Variants in SNAPC3 observed in about 807,000 individuals in gnomAD.
The protein encoded by SNAPC3 is small nuclear RNA activating complex polypeptide 3, also known as snRNA-activating protein complex subunit 3.
In SNAPC3, 56 loss-of-function variants were observed where a neutral mutation model predicts 47.7. The ratio of observed to expected loss-of-function variants is 1.18; its 90% CI spans 0.95 to 1.47. SNAPC3 has a LOEUF of 1.47. Ranked by LOEUF, SNAPC3 falls within the 40% of genes most tolerant of loss-of-function variation. The probability of loss-of-function intolerance (pLI) is 0.00; values close to 1 mark genes in which losing one functional copy is unlikely to be tolerated. For missense variants in SNAPC3, 665 were observed against 511.3 expected, an observed-to-expected ratio of 1.30 and a Z score of -2.90; for synonymous variants, 235 against 189.9, an observed-to-expected ratio of 1.24 and a Z score of -1.95.
At chr9:15,449,547 ATATATATATATATATATTT>A (rs1444397735) in intron 5 of SNAPC3, among the ~76,000 whole-genome samples, 8 of 35,970 alleles carry the variant, frequency 2.2e-4, no homozygotes, top group African/African-American at 8.3e-4. Flanking sequence ...ATATATATAT[ATATATATATATATATATTT>A]TTTTTTTTTT....
rs549554126 is a variant in SNAPC3, at chr9:15,445,769, C to A, written c.582+1063C>A. On this transcript the variant is annotated intron_variant, in intron 4 of 8. Coordinates refer to ENST00000380821, the MANE Select transcript of SNAPC3 (RefSeq NM_001039697.2). ...TTCAAGATCAGCCTAGACAAAGTGGCAAAACCTCATCTCTACAAAAAATAC... is the reference window on the plus strand; with the variant it reads ...TTCAAGATCAGCCTAGACAAAGTGGAAAAACCTCATCTCTACAAAAAATAC... 9.5e-4 allele frequency among the ~76,000 whole-genome samples: 145 copies of A among 152,154 alleles called. 3 individuals carry two copies. In the South Asian group the frequency reaches 0.029, roughly 30 times the overall value.
rs371093903 is a variant in SNAPC3, at chr9:15,437,642, C to T, written c.477+4006C>T. 4.2e-3 allele frequency among the ~76,000 whole-genome samples: 629 copies of T among 149,034 alleles called. 3 individuals are homozygous for T. Among genetic ancestry groups the T allele is most frequent in the African/African-American group, 0.015 (598 of 40,408 alleles). On this transcript the variant is annotated intron_variant, in intron 3 of 8. Transcript: ENST00000380821. ...CTGTTGTTTTTTTTTTTTTTTTGCC[C>T]CATCATTCCATTAGTGTGGTGTATT... is the stretch of plus-strand genomic sequence containing the variant.
chr9:15,454,889 G>A (rs912982765), intron 7 of SNAPC3, among the ~76,000 whole-genome samples: 29 of 152,224 alleles, frequency 1.9e-4, no homozygotes, highest in African/African-American at 6.0e-4. Context: ...AGCTGAGATC[G>A]TGCCACTGCA....
rs574540987 is a variant in SNAPC3, at chr9:15,423,944, A to T, written c.350A>T (p.Asp117Val). 3 of 1,590,164 alleles carry T rather than the reference A, an allele frequency of 1.9e-6. No individual in the cohort carries two copies. The highest frequency in any genetic ancestry group is 2.3e-5 in the South Asian group (2 of 86,590). The change falls in exon 2 of 9, where the codon GAT (aspartate) becomes GTT (valine). Residue 117 changes from aspartate to valine, a missense_variant. Asp to Val is a radical substitution (Grantham distance 152). Coordinates refer to ENST00000380821, the MANE Select transcript of SNAPC3 (RefSeq NM_001039697.2). Reference protein sequence around the residue: ...DKLKCLEDGEDPEVIPENTDL... With the variant: ...DKLKCLEDGEVPEVIPENTDL... ...CTGAAATGCCTTGAGGACGGTGAGG[A>T]TCCAGAAGTCATTCCGGAGAATACT...
chr9:15,426,690 A>G (rs1207890745), intron 2 of SNAPC3, among the ~76,000 whole-genome samples: 1 of 152,218 alleles, frequency 6.6e-6, no homozygotes, highest in African/African-American at 2.4e-5. Flanking sequence ...TTGTTAAGCC[A>G]TGTTAAATAG....
downstream of SNAPC3, chr9:15,465,817 C>T (rs766061614): frequency 1.3e-5 from 6 of 448,024 alleles, no homozygotes; most frequent in Non-Finnish European, 2.3e-5. Flanking sequence ...CAAAATAACT[C>T]AGCAAAGTGT....
At chr9:15,453,428 C>A (rs1242284730) in intron 7 of SNAPC3, 2 of 423,084 alleles carry the variant, frequency 4.7e-6, no homozygotes, top group Non-Finnish European at 8.3e-6. Context: ...TTAAGAAATA[C>A]TTTACTATTA....
In SNAPC3 at chr9:15,453,377, AT is replaced by A. The variant is rs1453362775; in HGVS notation, c.980+173del. The A allele has an allele frequency of 7.6e-6, 4 of 522,930 alleles. No individual in the cohort carries two copies. In the African/African-American group the frequency reaches 7.8e-5, roughly 10 times the overall value. The allele number at this position is 522,930 out of a possible 1,614,324, so 32.4% of individuals were successfully genotyped here. ...TTCCATGCAAATACCAACTCTTTCC[AT>A]CCATTTGCATCCTCTATTGTTCATT... is the stretch of plus-strand genomic sequence containing the variant. On this transcript the variant is annotated intron_variant, in intron 7 of 8. Transcript: ENST00000380821.
intron 4 of SNAPC3, among the ~76,000 whole-genome samples, chr9:15,446,518 T>C (rs1475921787): frequency 1.3e-5 from 2 of 152,214 alleles, no homozygotes; most frequent in Non-Finnish European, 2.9e-5. Context: ...TTCCATGCTA[T>C]TCTAATTTAT....
At chr9:15,433,477 T>A in intron 2 of SNAPC3, 75 bp from the exon 3 acceptor site, 1 of 908,978 alleles carries the variant, frequency 1.1e-6, no homozygotes. Flanking sequence ...AAAACTTGAA[T>A]GTTAAATATG....
intron 7 of SNAPC3, among the ~76,000 whole-genome samples, chr9:15,456,493 G>T (rs1054796987): frequency 2.0e-5 from 3 of 151,848 alleles, no homozygotes; most frequent in African/African-American, 7.3e-5. Context: ...CTTGAGAGGG[G>T]ATGTCACTCT....
At chr9:15,442,876 G>C (rs975524484) in intron 3 of SNAPC3, among the ~76,000 whole-genome samples, 7 of 152,182 alleles carry the variant, frequency 4.6e-5, no homozygotes, top group Non-Finnish European at 8.8e-5. Flanking sequence ...TCCAGCCTGG[G>C]CAACATTGAG....
chr9:15,437,240 T>A (rs2032908210), intron 3 of SNAPC3, among the ~76,000 whole-genome samples: 1 of 151,780 alleles, frequency 6.6e-6, no homozygotes, highest in South Asian at 2.1e-4. Context: ...TTTTCTTAAT[T>A]CCTTTTTTTT....
chr9:15,444,508 G>C, intron 3 of SNAPC3, 94 bp from the exon 4 acceptor site: 1 of 738,416 alleles, frequency 1.4e-6, no homozygotes, highest in East Asian at 2.6e-5. Context: ...ACCCAAGGCT[G>C]CTTGACTCGA....
rs2035151296 is a variant in SNAPC3, at chr9:15,460,783, T to C, written c.*917T>C. 1 of 152,266 alleles carries C rather than the reference T, an allele frequency of 6.6e-6. No individual in the cohort carries two copies. The highest frequency in any genetic ancestry group is 2.4e-5 in the African/African-American group (1 of 41,470). 9.4% of individuals were successfully genotyped at this position (152,266 alleles called of 1,614,324 possible). A position where few individuals can be genotyped will look rare whatever the true frequency, so the allele number is the denominator to read the frequency against. On this transcript the variant is annotated 3_prime_UTR_variant, in exon 9 of 9. Transcript: ENST00000380821. ...CATACAAGACATGTTAATAAGACTA[T>C]GTGAATAATGAATTTAAAAAGATCT...
At chr9:15,448,009 T>G (rs1034037049) in intron 5 of SNAPC3, among the ~76,000 whole-genome samples, 1 of 152,164 alleles carries the variant, frequency 6.6e-6, no homozygotes, top group Non-Finnish European at 1.5e-5. Flanking sequence ...CCCTTCCACA[T>G]TTCATCATAG....
At chr9:15,465,684 GA>G, downstream of SNAPC3, 1 of 903,074 alleles carries the variant, frequency 1.1e-6, no homozygotes, top group Non-Finnish European at 1.7e-6. Flanking sequence ...TGAAAAGACT[GA>G]AACCAACCAA....
At chr9:15,447,852 GGTGTTTCCCCAAT>G (rs1296727347) in intron 5 of SNAPC3, among the ~76,000 whole-genome samples, 3 of 152,162 alleles carry the variant, frequency 2.0e-5, no homozygotes, top group African/African-American at 7.2e-5. Context: ...GGTCCTTGCT[GGTGTTTCCCCAAT>G]GTGTTGCTCT....
At chr9:15,433,203 A>T (rs2032382039) in intron 2 of SNAPC3, among the ~76,000 whole-genome samples, 1 of 152,138 alleles carries the variant, frequency 6.6e-6, no homozygotes, top group Non-Finnish European at 1.5e-5. Context: ...GAAGTATTTT[A>T]ACAAACTCAA....
Sources: gnomAD v4.1 joint callset for allele counts (sites outside exome capture counted in the v4.1 genomes callset) on GRCh38, gnomAD v4.1.1 for gene constraint, MANE v1.5 for transcripts, NCBI Gene and HGNC (gene_info 2026-07-23, HGNC 2026-07-21) for gene names.